CACNG8: variants seen among roughly 807,000 people sequenced by gnomAD.
The protein encoded by CACNG8 is calcium voltage-gated channel auxiliary subunit gamma 8.
Under a neutral mutation model 26.9 loss-of-function variants are expected in CACNG8, and 5 were observed. The ratio of observed to expected loss-of-function variants is 0.19; its 90% CI spans 0.10 to 0.39. CACNG8 has a LOEUF of 0.39. Among genes scored for constraint, CACNG8 ranks in the 10% least tolerant of loss-of-function variants. CACNG8 has a pLI of 1.00. For synonymous variants in CACNG8, 321 were observed against 296.7 expected (o/e 1.08, Z -0.84); for missense variants, 473 against 609.4 (o/e 0.78, Z 2.36).
chr19:53,981,045 G>A (rs1157553298), intron 3 of CACNG8, among the ~76,000 whole-genome samples: 1 of 152,180 alleles, frequency 6.6e-6, no homozygotes, highest in African/African-American at 2.4e-5. Context: ...ACGGGGCGGG[G>A]TTTGGTAAGC....
In CACNG8 at chr19:53,982,792, CA is replaced by C; in HGVS notation, c.1223del (p.Lys408ArgfsTer52). On this transcript the variant is annotated frameshift_variant, in exon 4 of 4. Coordinates refer to ENST00000270458, the MANE Select transcript of CACNG8 (RefSeq NM_031895.6). LOFTEE classifies it high-confidence loss of function. This position sits in a 1 kb window ranked among gnomAD's most constrained non-coding sequence, Gnocchi z 8.4. ...CTGCGCCCGCCCCCGGGACCCTGGCCAAGGAGGCCGCCGCCTCCAACACCAA... is the reference window on the plus strand; with the variant it reads ...CTGCGCCCGCCCCCGGGACCCTGGCCAGGAGGCCGCCGCCTCCAACACCAA... 7.3e-7 allele frequency: 1 copy of C among 1,365,872 alleles called. No homozygotes were observed. The highest frequency in any genetic ancestry group is 9.5e-7 in the Non-Finnish European group (1 of 1,053,266). The allele number at this position is 1,365,872 out of a possible 1,614,324, so 84.6% of individuals were successfully genotyped here.
At chr19:53,968,481 G>A (rs1250555408) in intron 1 of CACNG8, among the ~76,000 whole-genome samples, 1 of 151,666 alleles carries the variant, frequency 6.6e-6, no homozygotes, top group Non-Finnish European at 1.5e-5. Context: ...TAAAATGTGA[G>A]GGAGATGGCC....
intron 2 of CACNG8, 68 bp downstream of exon 2, chr19:53,978,297 G>A (rs1021693149): frequency 1.5e-6 from 2 of 1,328,892 alleles, no homozygotes; most frequent in South Asian, 1.2e-5. Flanking sequence ...CGTCGGGGTG[G>A]GTGCCGGGAA....
In CACNG8 at chr19:53,982,660, C is replaced by T. The variant is rs866896148; in HGVS notation, c.1089C>T (p.Ser363=). ...CCGAGCGGGACCGCGGGGGGGCGTC[C>T]GGCTTCCTCACGCTGCACAACGCCT... Residue 363 remains serine (S), a synonymous_variant, in exon 4 of 4, where the codon TCC becomes TCT. Transcript: ENST00000270458. This position sits in a 1 kb window ranked among gnomAD's most constrained non-coding sequence, Gnocchi z 8.4. 4.6e-6 allele frequency: 5 copies of T among 1,078,368 alleles called. No homozygotes were observed. In the African/African-American group the frequency reaches 5.1e-5, roughly 11 times the overall value. 66.8% of individuals were successfully genotyped at this position (1,078,368 alleles called of 1,614,324 possible).
At chr19:53,968,627 G>A (rs1026900083) in intron 1 of CACNG8, among the ~76,000 whole-genome samples, 1 of 151,882 alleles carries the variant, frequency 6.6e-6, no homozygotes, top group African/African-American at 2.4e-5. Flanking sequence ...AATTAGCCGG[G>A]CGTGGTGGCG....
At chr19:53,975,010 G>A (rs1416309410) in intron 1 of CACNG8, among the ~76,000 whole-genome samples, 1 of 141,722 alleles carries the variant, frequency 7.1e-6, no homozygotes, top group Non-Finnish European at 1.5e-5. Flanking sequence ...GTGCAGTGGC[G>A]CTATCTTGGC....
At chr19:53,970,272 C>T (rs1347878606) in intron 1 of CACNG8, among the ~76,000 whole-genome samples, 2 of 151,346 alleles carry the variant, frequency 1.3e-5, no homozygotes, top group African/African-American at 4.9e-5. Context: ...GCCGAGATGG[C>T]GCCACCGCAC....
At chr19:53,980,029 C>T (rs2069354831) in intron 3 of CACNG8, 22 bp downstream of exon 3, 2 of 1,585,538 alleles carry the variant, frequency 1.3e-6, no homozygotes, top group Non-Finnish European at 1.7e-6. Context: ...AGGGAGGGGG[C>T]GACCGGGGCG....
Position 53,982,530 on chromosome 19 carries a change from C to T in CACNG8, c.959C>T (p.Ala320Val). ...GACCCCTCCAAGGGCAGCGTGGCCG[C>T]GGGGCTGGCGGGGGCCGGCGGCGGC... Residue 320 changes from alanine (A) to valine (V), a missense_variant, in exon 4 of 4, where the codon GCG becomes GTG. By Grantham distance (64) the Ala-to-Val change is moderately conservative (BLOSUM62 0). Around this residue, in one of 6 missense-constraint regions of CACNG8, gnomAD observed 212 missense variants for 214.4 expected, o/e 0.99. Coordinates refer to ENST00000270458, the MANE Select transcript of CACNG8 (RefSeq NM_031895.6). This position sits in a 1 kb window ranked among gnomAD's most constrained non-coding sequence, Gnocchi z 8.4. 1.6e-6 allele frequency: 2 copies of T among 1,269,176 alleles called. No homozygotes were observed. Among genetic ancestry groups the T allele is most frequent in the African/African-American group, 3.1e-5 (2 of 63,676 alleles). 78.6% of individuals were successfully genotyped at this position (1,269,176 alleles called of 1,614,324 possible). A position where few individuals can be genotyped will look rare whatever the true frequency, so the allele number is the denominator to read the frequency against.
intron 1 of CACNG8, among the ~76,000 whole-genome samples, chr19:53,965,244 C>T (rs1055038866): frequency 6.6e-6 from 1 of 152,178 alleles, no homozygotes. Context: ...AATAGGGAGG[C>T]TTCCCATTGT....
chr19:53,978,069 G>C, intron 1 of CACNG8, 77 bp from the exon 2 acceptor site: 1 of 963,834 alleles, frequency 1.0e-6, no homozygotes, highest in Non-Finnish European at 1.6e-6. Context: ...GGAAGGGAAG[G>C]GTCGGTTGTC....
rs1463738548 is a variant in CACNG8 at position 53,982,656 on chromosome 19, C to G, written c.1085C>G (p.Ala362Gly). The G allele has an allele frequency of 5.6e-6, 6 of 1,066,524 alleles. No individual in the cohort carries two copies. Among genetic ancestry groups the G allele is most frequent in the Non-Finnish European group, 5.7e-6 (5 of 884,316 alleles). 66.1% of individuals were successfully genotyped at this position (1,066,524 alleles called of 1,614,324 possible). A position where few individuals can be genotyped will look rare whatever the true frequency, so the allele number is the denominator to read the frequency against. ...GGTGCCGAGCGGGACCGCGGGGGGG[C>G]GTCCGGCTTCCTCACGCTGCACAAC... Residue 362 changes from alanine to glycine, a missense_variant, in exon 4 of 4, where the codon GCG (alanine) becomes GGG (glycine). Ala to Gly is a moderately conservative substitution (Grantham distance 60). This residue lies in a region of CACNG8 where 212 missense variants were observed against 214.4 expected (regional missense o/e 0.99). Transcript: ENST00000270458. The surrounding 1 kb of genome is among the most constrained non-coding windows in gnomAD (Gnocchi z 8.4).
chr19:53,982,260 G>A lies in CACNG8; in HGVS notation c.689G>A (p.Arg230His). ...CTGGCCGTCAACATCTACATCGAGCGCAGCCGCGAGGCGCACTGCCAGTCT... is the reference window on the plus strand; with the variant it reads ...CTGGCCGTCAACATCTACATCGAGCACAGCCGCGAGGCGCACTGCCAGTCT... The change falls in exon 4 of 4, where the codon CGC (arginine) becomes CAC (histidine). Residue 230 changes from arginine (R) to histidine (H), a missense_variant. This residue lies in a region of CACNG8 where 155 missense variants were observed against 253.0 expected (regional missense o/e 0.61). Coordinates refer to ENST00000270458, the MANE Select transcript of CACNG8 (RefSeq NM_031895.6). The surrounding 1 kb of genome is among the most constrained non-coding windows in gnomAD (Gnocchi z 8.4). The A allele has an allele frequency of 1.9e-6, 3 of 1,612,312 alleles. No homozygotes were observed. The highest frequency in any genetic ancestry group is 2.5e-6 in the Non-Finnish European group (3 of 1,179,522).
chr19:53,980,310 C>T (rs1394485955), intron 3 of CACNG8, among the ~76,000 whole-genome samples: 1 of 151,842 alleles, frequency 6.6e-6, no homozygotes, highest in Non-Finnish European at 1.5e-5. Context: ...GCCCGCCGTC[C>T]TGGAGACGGA....
At chr19:53,968,789 A>G (rs1361394966) in intron 1 of CACNG8, among the ~76,000 whole-genome samples, 1 of 148,118 alleles carries the variant, frequency 6.8e-6, no homozygotes, top group Non-Finnish European at 1.5e-5. Flanking sequence ...AAAAAAAAAA[A>G]AAGGGAGGGA....
intron 1 of CACNG8, among the ~76,000 whole-genome samples, chr19:53,974,099 T>C (rs766627870): frequency 1.3e-5 from 2 of 151,358 alleles, no homozygotes; most frequent in African/African-American, 2.4e-5. Context: ...TCAGTACCCG[T>C]TAAATAACTC....
At position 53,986,715 on chromosome 19, in the gene CACNG8, G is replaced by A. The variant is rs1275363944; in HGVS notation, c.*3866G>A. The A allele has an allele frequency of 6.6e-6, 1 of 152,442 alleles. No individual in the cohort carries two copies. The allele number at this position is 152,442 out of a possible 1,614,324, so 9.4% of individuals were successfully genotyped here. A position where few individuals can be genotyped will look rare whatever the true frequency, so the allele number is the denominator to read the frequency against. ...ATCGCGCCACTGCACTCCAGCCTGG[G>A]CGACAGTGAGTGGTAACAGAATGAC... is the stretch of plus-strand genomic sequence containing the variant. On this transcript the variant is annotated 3_prime_UTR_variant, in exon 4 of 4. Coordinates refer to ENST00000270458, the MANE Select transcript of CACNG8 (RefSeq NM_031895.6).
intron 1 of CACNG8, among the ~76,000 whole-genome samples, chr19:53,977,315 A>ACTGGACAGAG (rs2069335492): frequency 6.6e-6 from 1 of 152,218 alleles, no homozygotes; most frequent in South Asian, 2.1e-4. Flanking sequence ...GGTCTGCAGA[A>ACTGGACAGAG]CTGGACAGAG....
chr19:53,976,222 C>T (rs1442948603), intron 1 of CACNG8, among the ~76,000 whole-genome samples: 6 of 152,288 alleles, frequency 3.9e-5, no homozygotes, highest in South Asian at 2.1e-4. Context: ...GGCATGGTGG[C>T]GCAAGCCTGT....
Sources: allele counts gnomAD v4.1 joint callset (sites outside exome capture counted in the v4.1 genomes callset), GRCh38; gene constraint gnomAD v4.1.1; regional missense constraint gnomAD v4.1.1; non-coding constraint Gnocchi (gnomAD v3.1); transcripts MANE v1.5; gene names NCBI Gene and HGNC (gene_info 2026-07-23, HGNC 2026-07-21).